The following MBD2 variants were observed in gnomAD, a reference collection of about 807,000 sequenced individuals.
MBD2 encodes the protein methyl-CpG binding domain protein 2, also known as methyl-CpG-binding domain protein 2.
A neutral mutation model predicts 39.3 loss-of-function variants in MBD2; 9 were observed. The observed-to-expected ratio is 0.23, with a 90% CI of 0.14 to 0.40. MBD2 has a LOEUF of 0.40. Among genes scored for constraint, MBD2 ranks in the 10% least tolerant of loss-of-function variants. The probability of loss-of-function intolerance (pLI) is 1.00; values close to 1 mark genes in which losing one functional copy is unlikely to be tolerated. For missense variants in MBD2, 458 were observed against 532.6 expected (o/e 0.86, Z 1.38); for synonymous variants, 233 against 211.1 (o/e 1.10, Z -0.90).
intron 1 of MBD2, among the ~76,000 whole-genome samples, chr18:54,211,402 C>CACACACACAA (rs1180394957): frequency 6.6e-6 from 1 of 151,494 alleles, no homozygotes; most frequent in Admixed American, 6.6e-5. Context: ...CACACACACA[C>CACACACACAA]ACACACACAC....
At chr18:54,156,613 G>A (rs1412439556) in intron 6 of MBD2, among the ~76,000 whole-genome samples, 1 of 152,174 alleles carries the variant, frequency 6.6e-6, no homozygotes, top group African/African-American at 2.4e-5. Context: ...GGGAGGCTGA[G>A]ACGGGTGGAT....
chr18:54,176,669 T>C (rs1466811671), intron 3 of MBD2, among the ~76,000 whole-genome samples: 1 of 152,224 alleles, frequency 6.6e-6, no homozygotes, highest in African/African-American at 2.4e-5. Flanking sequence ...CAGCCCCATA[T>C]AGTATCTGAA....
At chr18:54,170,899 C>T (rs889043379) in intron 3 of MBD2, among the ~76,000 whole-genome samples, 3 of 152,120 alleles carry the variant, frequency 2.0e-5, no homozygotes, top group Non-Finnish European at 4.4e-5. Flanking sequence ...AAGGAGGTAA[C>T]AGAGTGCAGG....
Position 54,152,235 on chromosome 18 carries a change from A to C in MBD2, c.*3089T>G, listed in dbSNP as rs1033001466. 6.6e-6 allele frequency: 1 copy of C among 152,262 alleles called. No homozygotes were observed. Among genetic ancestry groups the C allele is most frequent in the African/African-American group, 2.4e-5 (1 of 41,444 alleles). 9.4% of individuals were successfully genotyped at this position (152,262 alleles called of 1,614,324 possible). On this transcript the variant is annotated 3_prime_UTR_variant, in exon 7 of 7. Transcript: ENST00000256429. Reference sequence around the variant, plus strand: ...AGACTTCATCAATGATTAGGAATTCACCATGTAGACGGGCAGGCAAAGGGT... The same window carrying C: ...AGACTTCATCAATGATTAGGAATTCCCCATGTAGACGGGCAGGCAAAGGGT...
intron 3 of MBD2, among the ~76,000 whole-genome samples, chr18:54,167,839 A>G (rs1394295838): frequency 2.6e-5 from 4 of 151,816 alleles, no homozygotes; most frequent in African/African-American, 9.7e-5. Context: ...AGTAAGGTGG[A>G]GGTAATAATT....
intron 1 of MBD2, among the ~76,000 whole-genome samples, 171 bp from the exon 2 acceptor site, chr18:54,205,328 C>A (rs1292726116): frequency 6.6e-6 from 1 of 151,980 alleles, no homozygotes; most frequent in Non-Finnish European, 1.5e-5. Flanking sequence ...TCCCAGCACT[C>A]TGGGAGGCAG....
intron 1 of MBD2, among the ~76,000 whole-genome samples, chr18:54,208,086 C>G (rs2086466558): frequency 6.6e-6 from 1 of 151,958 alleles, no homozygotes; most frequent in Non-Finnish European, 1.5e-5. Flanking sequence ...CTGCAATAGC[C>G]ATATGGTCCT....
At chr18:54,198,463 C>G (rs904184527) in intron 2 of MBD2, among the ~76,000 whole-genome samples, 1 of 152,196 alleles carries the variant, frequency 6.6e-6, no homozygotes, top group Non-Finnish European at 1.5e-5. Context: ...GCCTGTAATC[C>G]TAGCACTTTG....
intron 1 of MBD2, among the ~76,000 whole-genome samples, chr18:54,216,696 T>C (rs916014022): frequency 1.3e-5 from 2 of 152,132 alleles, no homozygotes; most frequent in African/African-American, 4.8e-5. Context: ...CATCCTTGCT[T>C]ATCCATGCAT....
chr18:54,176,024 C>A (rs533686303), intron 3 of MBD2, among the ~76,000 whole-genome samples: 1 of 152,256 alleles, frequency 6.6e-6, no homozygotes, highest in South Asian at 2.1e-4. Context: ...ATGAGGACAA[C>A]AGTGTTAATG....
At chr18:54,218,473 A>G (rs1186067237) in intron 1 of MBD2, among the ~76,000 whole-genome samples, 28 of 152,212 alleles carry the variant, frequency 1.8e-4, no homozygotes, top group African/African-American at 2.4e-5. Context: ...GGGTGTTGCA[A>G]TATTTGAGAA....
At chr18:54,219,610 A>G (rs1029124747) in intron 1 of MBD2, among the ~76,000 whole-genome samples, 9 of 152,244 alleles carry the variant, frequency 5.9e-5, no homozygotes, top group African/African-American at 1.9e-4. Flanking sequence ...AACTATGACA[A>G]TAGTCACATT....
At chr18:54,156,448 T>C (rs1463732134) in intron 6 of MBD2, among the ~76,000 whole-genome samples, 1 of 152,196 alleles carries the variant, frequency 6.6e-6, no homozygotes, top group African/African-American at 2.4e-5. Flanking sequence ...TGCAAGGCAA[T>C]GAGAAGTTGC....
intron 1 of MBD2, among the ~76,000 whole-genome samples, chr18:54,219,576 A>G (rs556143640): frequency 6.6e-6 from 1 of 152,368 alleles, no homozygotes; most frequent in Non-Finnish European, 1.5e-5. Context: ...GGAATCCAAG[A>G]AGACTTTAAC....
At chr18:54,220,996 G>A (rs933687012) in intron 1 of MBD2, among the ~76,000 whole-genome samples, 1 of 152,170 alleles carries the variant, frequency 6.6e-6, no homozygotes, top group Admixed American at 6.5e-5. Context: ...AATGAAACAG[G>A]TTTGGCACAA....
intron 6 of MBD2, among the ~76,000 whole-genome samples, chr18:54,156,266 A>T (rs2086050797): frequency 6.6e-6 from 1 of 152,212 alleles, no homozygotes; most frequent in Non-Finnish European, 1.5e-5. Context: ...AATCTTCCGC[A>T]ATCTATAAGT....
chr18:54,155,800 T>C (rs2086047924), intron 6 of MBD2, among the ~76,000 whole-genome samples: 2 of 152,184 alleles, frequency 1.3e-5, no homozygotes, highest in Admixed American at 1.3e-4. Flanking sequence ...CTGGGTGAAA[T>C]GGCACTGTGC....
Position 54,221,716 on chromosome 18 carries a change from C to A in MBD2, c.542+2302G>T, listed in dbSNP as rs578258300. Among the ~76,000 whole-genome samples the A allele has an allele frequency of 5.3e-5, 8 of 152,198 alleles. No homozygotes were observed. In the East Asian group the frequency reaches 1.5e-3, roughly 29 times the overall value. ...CCCGAGAGGCGGAGGATGCACTGAG[C>A]CGAGATCGCACCACTGCACTCCAGC... On this transcript the variant is annotated intron_variant, in intron 1 of 6. Coordinates refer to ENST00000256429, the MANE Select transcript of MBD2 (RefSeq NM_003927.5).
chr18:54,175,283 C>G (rs2086204056), intron 3 of MBD2, among the ~76,000 whole-genome samples: 1 of 152,168 alleles, frequency 6.6e-6, no homozygotes, highest in African/African-American at 2.4e-5. Flanking sequence ...AATATTAACC[C>G]CCAAGCCAAG....
Sources: gnomAD v4.1 joint callset for allele counts (sites outside exome capture counted in the v4.1 genomes callset) on GRCh38, gnomAD v4.1.1 for gene constraint, MANE v1.5 for transcripts, NCBI Gene and HGNC (gene_info 2026-07-23, HGNC 2026-07-21) for gene names.